The following TCERG1L variants were observed in gnomAD, a reference collection of about 807,000 sequenced individuals.
The protein encoded by TCERG1L is transcription elongation regulator 1-like protein.
TCERG1L carries 37 observed loss-of-function variants against 56.3 expected under a neutral mutation model. That is an observed-to-expected ratio of 0.66 (90% CI 0.51 to 0.87). TCERG1L has a LOEUF of 0.87. TCERG1L is among the 40% of genes least tolerant of loss of function. The probability of loss-of-function intolerance (pLI) is 0.00; values close to 1 mark genes in which losing one functional copy is unlikely to be tolerated. For missense variants in TCERG1L, 799 were observed against 774.2 expected, an observed-to-expected ratio of 1.03 and a Z score of -0.38; for synonymous variants, 324 against 326.3, an observed-to-expected ratio of 0.99 and a Z score of 0.08.
chr10:131,172,233 G>T (rs931837837), intron 4 of TCERG1L, among the ~76,000 whole-genome samples: 1 of 152,090 alleles, frequency 6.6e-6, no homozygotes, highest in Non-Finnish European at 1.5e-5. Flanking sequence ...CCGGGGAGGA[G>T]GGGAACCCGG....
At chr10:131,229,356 C>A (rs1845825877) in intron 4 of TCERG1L, among the ~76,000 whole-genome samples, 1 of 152,236 alleles carries the variant, frequency 6.6e-6, no homozygotes, top group African/African-American at 2.4e-5. Context: ...TTCTTTCCAA[C>A]AGATGACAGG....
chr10:131,245,296 C>G (rs1445287779), intron 4 of TCERG1L, among the ~76,000 whole-genome samples: 1 of 152,218 alleles, frequency 6.6e-6, no homozygotes, highest in Non-Finnish European at 1.5e-5. Context: ...GCATTTAATC[C>G]ACCAGGCAGC....
chr10:131,278,995 T>A (rs908809499), intron 3 of TCERG1L, among the ~76,000 whole-genome samples: 1 of 152,168 alleles, frequency 6.6e-6, no homozygotes, highest in African/African-American at 2.4e-5. Flanking sequence ...TTTGAGAAAG[T>A]CCGTCTCCCT....
At chr10:131,188,616 A>G (rs1845272111) in intron 4 of TCERG1L, among the ~76,000 whole-genome samples, 1 of 152,248 alleles carries the variant, frequency 6.6e-6, no homozygotes, top group Non-Finnish European at 1.5e-5. Context: ...TGGAAAATTT[A>G]AAGATGTTTT....
chr10:131,171,548 G>A (rs1011126364), intron 4 of TCERG1L, among the ~76,000 whole-genome samples: 1 of 152,202 alleles, frequency 6.6e-6, no homozygotes, highest in Non-Finnish European at 1.5e-5. Flanking sequence ...ACCAGCAAAT[G>A]CTTCTTACAT....
intron 4 of TCERG1L, among the ~76,000 whole-genome samples, chr10:131,186,390 G>C (rs893738636): frequency 1.3e-5 from 2 of 152,060 alleles, no homozygotes; most frequent in African/African-American, 4.8e-5. Context: ...GAAGAGAAAA[G>C]GTAATAAAAA....
chr10:131,217,250 C>A (rs758746855), intron 4 of TCERG1L, among the ~76,000 whole-genome samples: 3 of 151,926 alleles, frequency 2.0e-5, no homozygotes, highest in Non-Finnish European at 4.4e-5. Context: ...GTGTGTGGCC[C>A]CTCCCCTATC....
At chr10:131,135,064 A>G (rs1564798581) in intron 7 of TCERG1L, among the ~76,000 whole-genome samples, 1 of 152,258 alleles carries the variant, frequency 6.6e-6, no homozygotes, top group Admixed American at 6.5e-5. Flanking sequence ...ATGAAAAAGT[A>G]AAAAGGTGCT....
At chr10:131,221,204 C>T (rs1007192093) in intron 4 of TCERG1L, among the ~76,000 whole-genome samples, 2 of 152,214 alleles carry the variant, frequency 1.3e-5, no homozygotes, top group African/African-American at 4.8e-5. Flanking sequence ...CCACCCTGAC[C>T]CGCCAAGAGC....
chr10:131,094,816 T>A (rs1185711067), intron 11 of TCERG1L, among the ~76,000 whole-genome samples: 2 of 151,814 alleles, frequency 1.3e-5, no homozygotes, highest in Non-Finnish European at 2.9e-5. Flanking sequence ...GGGGGATGAG[T>A]CAAACGGTCA....
In TCERG1L at chr10:131,177,143, G is replaced by C. The variant is rs908911728; in HGVS notation, c.857-10258C>G. On this transcript the variant is annotated intron_variant, in intron 4 of 11. Coordinates refer to ENST00000368642, the MANE Select transcript of TCERG1L (RefSeq NM_174937.4). ...ACACACAGAGATATGCACACACACAGACACGTGTACACACAGAGACACATG... is the reference window on the plus strand; with the variant it reads ...ACACACAGAGATATGCACACACACACACACGTGTACACACAGAGACACATG... Among the ~76,000 whole-genome samples the C allele has an allele frequency of 2.6e-5, 4 of 151,126 alleles. No individual in the cohort carries two copies. In the East Asian group the frequency reaches 7.9e-4, roughly 30 times the overall value.
intron 8 of TCERG1L, among the ~76,000 whole-genome samples, chr10:131,119,161 T>G (rs558533499): frequency 2.0e-5 from 3 of 152,316 alleles, no homozygotes; most frequent in Non-Finnish European, 4.4e-5. Flanking sequence ...GTTTCCTCAC[T>G]TGGCAGGTCT....
chr10:131,301,008 T>C (rs6482875), intron 3 of TCERG1L, among the ~76,000 whole-genome samples: 65,684 of 151,808 alleles, frequency 0.43, 15,077 homozygotes, highest in East Asian at 0.61. Flanking sequence ...CTGGCATGTA[T>C]GAAAATCTTT....
intron 6 of TCERG1L, among the ~76,000 whole-genome samples, chr10:131,152,070 T>C (rs1845872335): frequency 6.6e-6 from 1 of 152,234 alleles, no homozygotes; most frequent in Non-Finnish European, 1.5e-5. Context: ...GGAGTTACCA[T>C]GAAGCTCTCT....
rs1446387462 is a variant in TCERG1L at position 131,092,411 on chromosome 10, A to G, written c.*751T>C. On this transcript the variant is annotated 3_prime_UTR_variant, in exon 12 of 12. Coordinates refer to ENST00000368642, the MANE Select transcript of TCERG1L (RefSeq NM_174937.4). ...ACACACTGGTTTAAAATATTTATTG[A>G]TTAAAAAAAATTAAAAATTTTTTAT... The G allele has an allele frequency of 6.6e-6, 1 of 152,650 alleles. No individual in the cohort carries two copies. Among genetic ancestry groups the G allele is most frequent in the African/African-American group, 2.4e-5 (1 of 41,448 alleles). 9.5% of individuals were successfully genotyped at this position (152,650 alleles called of 1,614,324 possible).
rs564874784 is a variant in TCERG1L, at chr10:131,215,034, G to A, written c.856+45225C>T. Among the ~76,000 whole-genome samples, 10 of 152,308 alleles carry A rather than the reference G, an allele frequency of 6.6e-5. 1 individual carries two copies. The highest frequency in any genetic ancestry group is 6.2e-4 in the South Asian group (3 of 4,824). ...CTCAGAGCTAGGCTGGGCGGTTCCC[G>A]AGATTGCAGGTGAGTGGGAGGCAGC... On this transcript the variant is annotated intron_variant, in intron 4 of 11. Coordinates refer to ENST00000368642, the MANE Select transcript of TCERG1L (RefSeq NM_174937.4).
chr10:131,173,648 A>AT (rs1183978733), intron 4 of TCERG1L, among the ~76,000 whole-genome samples: 1 of 152,234 alleles, frequency 6.6e-6, no homozygotes, highest in Non-Finnish European at 1.5e-5. Flanking sequence ...CAGGAGAGAC[A>AT]TAGATTTCAG....
chr10:131,171,849 G>C (rs1052366787), intron 4 of TCERG1L, among the ~76,000 whole-genome samples: 3 of 152,206 alleles, frequency 2.0e-5, no homozygotes, highest in African/African-American at 7.2e-5. Context: ...GGGATTACAG[G>C]CGTGAGCCAC....
intron 3 of TCERG1L, among the ~76,000 whole-genome samples, chr10:131,296,225 T>G (rs1284430141): frequency 6.6e-6 from 1 of 152,220 alleles, no homozygotes; most frequent in African/African-American, 2.4e-5. Flanking sequence ...CAATGTTTTC[T>G]TCAGAATTTA....
Sources: gnomAD v4.1 joint callset for allele counts (sites outside exome capture counted in the v4.1 genomes callset) on GRCh38, gnomAD v4.1.1 for gene constraint, MANE v1.5 for transcripts, NCBI Gene and HGNC (gene_info 2026-07-23, HGNC 2026-07-21) for gene names.